The following HSD17B12 variants were observed in gnomAD, a reference collection of about 807,000 sequenced individuals.
The protein encoded by HSD17B12 is hydroxysteroid 17-beta dehydrogenase 12.
Under a neutral mutation model 39.3 loss-of-function variants are expected in HSD17B12, and 32 were observed. The observed-to-expected ratio is 0.81, with a 90% CI of 0.61 to 1.09. The LOEUF (loss-of-function observed/expected upper bound fraction) is 1.09. Among genes scored for constraint, HSD17B12 ranks in the 50% least tolerant of loss-of-function variants. HSD17B12 has a pLI of 0.00. For missense variants in HSD17B12, 342 were observed against 382.9 expected (o/e 0.89, Z 0.89); for synonymous variants, 150 against 146.7 (o/e 1.02, Z -0.16).
chr11:43,784,252 A>G (rs915931667), intron 3 of HSD17B12, among the ~76,000 whole-genome samples: 2 of 151,736 alleles, frequency 1.3e-5, no homozygotes, highest in African/African-American at 4.8e-5. Context: ...GCTTTTTCAT[A>G]CAATGTCTGG....
intron 6 of HSD17B12, chr11:43,830,365 G>T (rs1464576302): frequency 1.3e-5 from 2 of 152,118 alleles, no homozygotes; most frequent in African/African-American, 4.8e-5. Context: ...TATGTATTTA[G>T]TCAACAATTA....
intron 4 of HSD17B12, among the ~76,000 whole-genome samples, chr11:43,803,787 A>G (rs2135056109): frequency 6.6e-6 from 1 of 152,336 alleles, no homozygotes; most frequent in East Asian, 1.9e-4. Flanking sequence ...TTACTTAAAA[A>G]AAAACTAAGC....
the HSD17B12 span, among the ~76,000 whole-genome samples, chr11:43,622,296 C>T: frequency 6.6e-6 from 1 of 152,098 alleles, no homozygotes; most frequent in Non-Finnish European, 1.5e-5. Context: ...TTCCTAGACA[C>T]TCTGTGGCCC....
chr11:43,782,949 C>T (rs1379305844), intron 3 of HSD17B12, among the ~76,000 whole-genome samples: 2 of 152,166 alleles, frequency 1.3e-5, no homozygotes, highest in Non-Finnish European at 2.9e-5. Context: ...AGAAACACAG[C>T]ATCACTTCTG....
the HSD17B12 span, among the ~76,000 whole-genome samples, chr11:43,631,641 GTCTCTC>G: frequency 3.5e-5 from 5 of 144,816 alleles, no homozygotes; most frequent in African/African-American, 7.6e-5. Context: ...GTCGCTCTCT[GTCTCTC>G]TCTCTCTCTC....
the HSD17B12 span, among the ~76,000 whole-genome samples, chr11:43,557,863 T>C: frequency 6.6e-6 from 1 of 151,198 alleles, no homozygotes; most frequent in East Asian, 1.9e-4. Context: ...GCTGGTGCTG[T>C]AACGGGGGGG....
intron 3 of HSD17B12, among the ~76,000 whole-genome samples, chr11:43,793,707 G>T (rs1256376544): frequency 6.6e-6 from 1 of 152,042 alleles, no homozygotes; most frequent in Non-Finnish European, 1.5e-5. Flanking sequence ...ACTATTTGAG[G>T]GTTCAGTTCC....
At chr11:43,605,260 C>T in the HSD17B12 span, among the ~76,000 whole-genome samples, 3 of 151,748 alleles carry the variant, frequency 2.0e-5, no homozygotes, top group East Asian at 1.9e-4. Context: ...TTCTGAGTGG[C>T]GGAAAAAAGT....
intron 4 of HSD17B12, among the ~76,000 whole-genome samples, chr11:43,815,004 T>C (rs1425318623): frequency 6.6e-6 from 1 of 152,192 alleles, no homozygotes; most frequent in Non-Finnish European, 1.5e-5. Context: ...TTATCCCAAA[T>C]CACATGTTTT....
chr11:43,593,645 A>G, the HSD17B12 span, among the ~76,000 whole-genome samples: 1 of 152,212 alleles, frequency 6.6e-6, no homozygotes, highest in East Asian at 1.9e-4. Flanking sequence ...TGAGAGCTTT[A>G]GAAGAAAAGC....
At chr11:43,607,884 A>T in the HSD17B12 span, among the ~76,000 whole-genome samples, 1 of 152,098 alleles carries the variant, frequency 6.6e-6, no homozygotes, top group Non-Finnish European at 1.5e-5. Context: ...AGGCTATAAG[A>T]TGCAGTTGTG....
chr11:43,694,297 A>G (rs901209063), intron 1 of HSD17B12, among the ~76,000 whole-genome samples: 2 of 152,158 alleles, frequency 1.3e-5, no homozygotes, highest in Non-Finnish European at 2.9e-5. Context: ...TCTAGGCTCC[A>G]TGTTCTTTCT....
chr11:43,571,397 C>A, the HSD17B12 span, among the ~76,000 whole-genome samples: 1 of 152,326 alleles, frequency 6.6e-6, no homozygotes, highest in South Asian at 2.1e-4. Flanking sequence ...AGCCCCCTAT[C>A]ATGTGCTTGC....
chr11:43,743,886 G>A (rs746743098), intron 1 of HSD17B12, among the ~76,000 whole-genome samples: 1 of 152,162 alleles, frequency 6.6e-6, no homozygotes, highest in African/African-American at 2.4e-5. Flanking sequence ...AGAAGAAAAT[G>A]TAAATGTGTA....
chr11:43,657,181 T>C, the HSD17B12 span, among the ~76,000 whole-genome samples: 2 of 152,212 alleles, frequency 1.3e-5, no homozygotes, highest in Non-Finnish European at 1.5e-5. Context: ...CTTTTGATCT[T>C]TGTTGATTTA....
At chr11:43,812,373 C>CCAG (rs1565098225) in intron 4 of HSD17B12, among the ~76,000 whole-genome samples, 1 of 152,180 alleles carries the variant, frequency 6.6e-6, no homozygotes, top group African/African-American at 2.4e-5. Context: ...TGCGTCCTTG[C>CCAG]CAGCATCTGT....
chr11:43,667,240 C>T, the HSD17B12 span, among the ~76,000 whole-genome samples: 1 of 152,168 alleles, frequency 6.6e-6, no homozygotes, highest in South Asian at 2.1e-4. Flanking sequence ...CAACCTCCGC[C>T]TCCCAGGTTC....
intron 1 of HSD17B12, among the ~76,000 whole-genome samples, chr11:43,705,338 C>A (rs1412955445): frequency 6.6e-6 from 1 of 152,158 alleles, no homozygotes; most frequent in African/African-American, 2.4e-5. Context: ...TCTTTGAGAA[C>A]TATTAACAAA....
the HSD17B12 span, among the ~76,000 whole-genome samples, chr11:43,612,517 A>G: frequency 4.6e-5 from 7 of 152,172 alleles, no homozygotes; most frequent in Admixed American, 4.6e-4. Flanking sequence ...ACAATGGTAT[A>G]ATGAGTGTCT....
Sources: gnomAD v4.1 joint callset for allele counts (sites outside exome capture counted in the v4.1 genomes callset) on GRCh38, gnomAD v4.1.1 for gene constraint, MANE v1.5 for transcripts, NCBI Gene and HGNC (gene_info 2026-07-23, HGNC 2026-07-21) for gene names.